Variants in TET1 observed in about 807,000 individuals in gnomAD.
TET1 encodes the protein tet methylcytosine dioxygenase 1.
A neutral mutation model predicts 148.7 loss-of-function variants in TET1; 13 were observed. That is an observed-to-expected ratio of 0.09 (90% confidence interval 0.06 to 0.14). The LOEUF is 0.14. Ranked by LOEUF, TET1 falls within the 10% of genes least tolerant of loss-of-function variation. TET1 has a pLI of 1.00. For synonymous variants in TET1, 907 were observed against 937.2 expected, an observed-to-expected ratio of 0.97 and a Z score of 0.59; for missense variants, 2,182 against 2,553.8, an observed-to-expected ratio of 0.85 and a Z score of 3.14.
intron 2 of TET1, among the ~76,000 whole-genome samples, chr10:68,598,581 A>C (rs1377396535): frequency 6.6e-6 from 1 of 151,972 alleles, no homozygotes; most frequent in Non-Finnish European, 1.5e-5. Flanking sequence ...GTGTGGGCTT[A>C]GTGTGCTCAA....
At chr10:68,626,703 A>G (rs1264582512) in intron 3 of TET1, among the ~76,000 whole-genome samples, 2 of 151,778 alleles carry the variant, frequency 1.3e-5, no homozygotes, top group Middle Eastern at 3.4e-3. Flanking sequence ...GGTATGCGCC[A>G]CCACACCCAG....
At position 68,599,487 on chromosome 10, in the gene TET1, G is replaced by T. The variant is rs575738928; in HGVS notation, c.1915-1494G>T. 3.1e-4 allele frequency among the ~76,000 whole-genome samples: 47 copies of T among 152,336 alleles called. 1 individual carries two copies. The highest frequency in any genetic ancestry group is 2.9e-3 in the Admixed American group (44 of 15,286). ...GCTTAAGAGGGGTCGTGGGGGGCAC[G>T]GCTCCCGGTCCAGTCTTTCCCAGTG... is the stretch of plus-strand genomic sequence containing the variant. On this transcript the variant is annotated intron_variant, in intron 2 of 11. Coordinates refer to ENST00000373644, the MANE Select transcript of TET1 (RefSeq NM_030625.3).
chr10:68,612,249 C>T (rs185662102), intron 3 of TET1, among the ~76,000 whole-genome samples: 1 of 152,204 alleles, frequency 6.6e-6, no homozygotes, highest in African/African-American at 2.4e-5. Flanking sequence ...ACCACCACAC[C>T]CAGCTAATTT....
At chr10:68,657,446 G>A (rs1268257189) in intron 6 of TET1, among the ~76,000 whole-genome samples, 1 of 152,142 alleles carries the variant, frequency 6.6e-6, no homozygotes, top group Non-Finnish European at 1.5e-5. Context: ...AAAGTGCGGG[G>A]ATTACAGGCG....
chr10:68,682,660 A>G (rs1468603543), intron 9 of TET1, among the ~76,000 whole-genome samples, 176 bp from the exon 10 acceptor site: 1 of 152,142 alleles, frequency 6.6e-6, no homozygotes, highest in South Asian at 2.1e-4. Context: ...TGTATTGTCA[A>G]GTGCTTTCTC....
chr10:68,608,927 G>A (rs1240135102), intron 3 of TET1, among the ~76,000 whole-genome samples: 1 of 152,134 alleles, frequency 6.6e-6, no homozygotes, highest in Non-Finnish European at 1.5e-5. Flanking sequence ...CTGGATTCAA[G>A]CGATCTTCCT....
At chr10:68,580,703 AC>A (rs2053784282) in intron 2 of TET1, among the ~76,000 whole-genome samples, 2 of 149,606 alleles carry the variant, frequency 1.3e-5, no homozygotes, top group Non-Finnish European at 3.0e-5. Flanking sequence ...AATGGCGTGA[AC>A]CCAGGAGACG....
At chr10:68,611,510 G>A (rs1208583908) in intron 3 of TET1, among the ~76,000 whole-genome samples, 4 of 151,452 alleles carry the variant, frequency 2.6e-5, no homozygotes, top group African/African-American at 9.7e-5. Flanking sequence ...AAGTGGGTTG[G>A]GCATAGTGGC....
intron 1 of TET1, among the ~76,000 whole-genome samples, chr10:68,560,991 G>C (rs2053545750): frequency 6.6e-6 from 1 of 152,206 alleles, no homozygotes; most frequent in Admixed American, 6.5e-5. Context: ...CACCCGCTCC[G>C]GAGGCCCCGC....
intron 11 of TET1, among the ~76,000 whole-genome samples, chr10:68,688,054 C>T (rs1410607391): frequency 6.6e-6 from 1 of 152,024 alleles, no homozygotes; most frequent in East Asian, 1.9e-4. Flanking sequence ...TCTCTAGCAG[C>T]TAGAACTATA....
intron 4 of TET1, among the ~76,000 whole-genome samples, chr10:68,650,413 C>T (rs1052001789): frequency 6.9e-6 from 1 of 145,254 alleles, no homozygotes; most frequent in Non-Finnish European, 1.5e-5. Context: ...GAGGGGGAGG[C>T]GGGTGGGTCA....
Position 68,572,979 on chromosome 10 carries a change from T to C in TET1, c.641T>C (p.Leu214Pro). The C allele has an allele frequency of 6.2e-7, 1 of 1,614,134 alleles. No homozygotes were observed. The highest frequency in any genetic ancestry group is 1.1e-5 in the South Asian group (1 of 91,074). Reference sequence around the variant, plus strand: ...CACAGTGGCCCTGCAGCTGAGATCCTTCCTGGGCCACTGGAAGGGACACGC... The same window carrying C: ...CACAGTGGCCCTGCAGCTGAGATCCCTCCTGGGCCACTGGAAGGGACACGC... Reference protein sequence around the residue: ...PTHSGPAAEILPGPLEGTRCG... With the variant: ...PTHSGPAAEIPPGPLEGTRCG... Residue 214 changes from leucine (L) to proline (P), a missense_variant, in exon 2 of 12, where the codon CTT becomes CCT. This residue lies in a region of TET1 where 665 missense variants were observed against 672.4 expected (regional missense o/e 0.99). Transcript: ENST00000373644.
At chr10:68,672,849 A>G (rs1268987508) in intron 7 of TET1, 46 bp from the exon 8 acceptor site, 2 of 1,555,336 alleles carry the variant, frequency 1.3e-6, no homozygotes, top group East Asian at 4.5e-5. Context: ...TCTCTGAGGT[A>G]TTGTAATGCT....
chr10:68,640,077 G>A (rs763692173), intron 3 of TET1, among the ~76,000 whole-genome samples: 8 of 151,800 alleles, frequency 5.3e-5, no homozygotes, highest in Non-Finnish European at 1.2e-4. Flanking sequence ...ACAGGCATGT[G>A]TCACCTCGCC....
At chr10:68,635,797 G>A (rs2133045607) in intron 3 of TET1, among the ~76,000 whole-genome samples, 1 of 152,252 alleles carries the variant, frequency 6.6e-6, no homozygotes, top group East Asian at 1.9e-4. Context: ...TTACAGACCA[G>A]CCTAGGCAAC....
In TET1 at chr10:68,596,253, G is replaced by T. The variant is rs2053988417; in HGVS notation, c.1915-4728G>T. On this transcript the variant is annotated intron_variant, in intron 2 of 11. Coordinates refer to ENST00000373644, the MANE Select transcript of TET1 (RefSeq NM_030625.3). ...TTTAGGATATTTACAAATGTCTTTT[G>T]TTAGATACTGAAAATCAAGAGGATT... is the stretch of plus-strand genomic sequence containing the variant. 4.6e-5 allele frequency among the ~76,000 whole-genome samples: 7 copies of T among 151,456 alleles called. No individual in the cohort carries two copies. In the South Asian group the frequency reaches 1.5e-3, roughly 32 times the overall value.
chr10:68,646,436 T>C lies in TET1; in HGVS notation c.3707T>C (p.Phe1236Ser). The C allele has an allele frequency of 2.5e-6, 4 of 1,614,180 alleles. No individual in the cohort carries two copies. The South Asian group carries it at 4.4e-5, about 18-fold the overall frequency. The change falls in exon 4 of 12, where the codon TTT (phenylalanine) becomes TCT (serine). Residue 1236 changes from phenylalanine to serine, a missense_variant. Around this residue, in one of 11 missense-constraint regions of TET1, gnomAD observed 582 missense variants for 599.5 expected, o/e 0.97. Coordinates refer to ENST00000373644, the MANE Select transcript of TET1 (RefSeq NM_030625.3). ...TCCATTATGCAACCCAAAACAGTAT[T>C]TCCACCACTCACTCAGATAAAATTA... ...TRSIMQPKTV[F>S]PPLTQIKLQR...
At chr10:68,632,843 A>C in intron 3 of TET1, 6 of 803,878 alleles carry the variant, frequency 7.5e-6, no homozygotes, top group Non-Finnish European at 9.7e-6. Context: ...TGTAAAAAAA[A>C]AAAAAAAAAG....
rs557964281 is a variant in TET1 at position 68,693,907 on chromosome 10, G to A, written c.*2093G>A. The A allele has an allele frequency of 1.3e-5, 3 of 225,072 alleles. No individual in the cohort carries two copies. Among genetic ancestry groups the A allele is most frequent in the South Asian group, 1.9e-4 (1 of 5,282 alleles). 13.9% of individuals were successfully genotyped at this position (225,072 alleles called of 1,614,324 possible). ...GCATCCACTCATCTACTCATTCTTC[G>A]AGTCTACACTTATTGAATGCCTGCA... On this transcript the variant is annotated 3_prime_UTR_variant, in exon 12 of 12. Coordinates refer to ENST00000373644, the MANE Select transcript of TET1 (RefSeq NM_030625.3).
Sources: allele counts gnomAD v4.1 joint callset (sites outside exome capture counted in the v4.1 genomes callset), GRCh38; gene constraint gnomAD v4.1.1; regional missense constraint gnomAD v4.1.1; transcripts MANE v1.5; gene names NCBI Gene and HGNC (gene_info 2026-07-23, HGNC 2026-07-21).